Variants in KRTAP16-1 observed in about 807,000 individuals in gnomAD.
KRTAP16-1 encodes keratin associated protein 16-1, also known as keratin-associated protein 16-1.
For missense variants in KRTAP16-1, 675 were observed against 657.7 expected, an observed-to-expected ratio of 1.03 and a Z score of -0.29; for synonymous variants, 262 against 248.0, an observed-to-expected ratio of 1.06 and a Z score of -0.53.
Position 41,308,981 on chromosome 17 carries a change from G to A in KRTAP16-1, c.273C>T (p.Pro91=), listed in dbSNP as rs760023094. The A allele has an allele frequency of 1.7e-5, 26 of 1,544,986 alleles. No individual in the cohort carries two copies. The highest frequency in any genetic ancestry group is 1.2e-4 in the East Asian group (5 of 40,684). The change falls in exon 1 of 1, where the codon CCC becomes CCT. Residue 91 remains proline (P), a synonymous_variant. Coordinates refer to ENST00000391352, the MANE Select transcript of KRTAP16-1 (RefSeq NM_001146182.2). The part of the protein sequence containing the change: ...PSCSVSSGCQ[P]VCCEATTCEP... ...CACAGGTGGTGGCCTCACAGCACACGGGTTGGCAGCCGCTGCTCACGGAGC... is the reference window on the plus strand; with the variant it reads ...CACAGGTGGTGGCCTCACAGCACACAGGTTGGCAGCCGCTGCTCACGGAGC...
In KRTAP16-1 at chr17:41,308,372, G is replaced by A. The variant is rs2016935346; in HGVS notation, c.882C>T (p.Val294=). Residue 294 remains valine (V), a synonymous_variant, in exon 1 of 1, where the codon GTC becomes GTT. Transcript: ENST00000391352. ...AAGAAGGCTCTTGGCAAGTGCTGGG[G>A]ACAGAAGGTGGCTCGCACGAGCTCT... The part of the protein sequence containing the change: ...CVQSSCEPPS[V]PSTCQEPSCC... 1.3e-6 allele frequency: 2 copies of A among 1,550,372 alleles called. No individual in the cohort carries two copies. Among genetic ancestry groups the A allele is most frequent in the East Asian group, 2.4e-5 (1 of 40,934 alleles).
rs1218299949 is a variant in KRTAP16-1 at position 41,308,911 on chromosome 17, C to T, written c.343G>A (p.Glu115Lys). The T allele has an allele frequency of 5.2e-6, 8 of 1,550,334 alleles. No individual in the cohort carries two copies. Among genetic ancestry groups the T allele is most frequent in the Middle Eastern group, 1.7e-4 (1 of 6,014 alleles). Residue 115 changes from glutamate to lysine, a missense_variant, in exon 1 of 1, where the codon GAG (glutamate) becomes AAG (lysine). Physicochemically the swap from Glu to Lys is moderately conservative, Grantham distance 56. Coordinates refer to ENST00000391352, the MANE Select transcript of KRTAP16-1 (RefSeq NM_001146182.2). ...VSNCYQPVCFEATICEPSCSV... is the reference protein window; with the variant it reads ...VSNCYQPVCFKATICEPSCSV... ...CAAGAAGGCTCACAGATGGTGGCCT[C>T]GAAGCACACAGGTTGGTAGCAGTTG...
chr17:41,307,926 G>A lies in KRTAP16-1; in HGVS notation c.1328C>T (p.Ser443Phe). ...TGGGCGGAAGTAGACTGGGCGGCAA[G>A]AGTAGGAAGTGACACAGGCTGGGCG... ...LRRPACVTSY[S>F]CRPVYFRPSC... The change falls in exon 1 of 1, where the codon TCT becomes TTT. Residue 443 changes from serine to phenylalanine, a missense_variant. Transcript: ENST00000391352. 6.4e-7 allele frequency: 1 copy of A among 1,550,742 alleles called. No individual in the cohort carries two copies. The highest frequency in any genetic ancestry group is 8.7e-7 in the Non-Finnish European group (1 of 1,147,024).
rs1384179132 is a variant in KRTAP16-1, at chr17:41,308,116, G to A, written c.1138C>T (p.Pro380Ser). ...RPTCPRTFYI[P>S]SSSKRPCSAT... ...CTGCAAGGCCGTTTGCTGGAACTGG[G>A]TATGTAGAAAGTCCTAGGACAAGTT... Residue 380 changes from proline to serine, a missense_variant, in exon 1 of 1, where the codon CCC becomes TCC. By Grantham distance (74) the Pro-to-Ser change is moderately conservative. Transcript: ENST00000391352. 1.9e-6 allele frequency: 3 copies of A among 1,550,646 alleles called. No homozygotes were observed. Among genetic ancestry groups the A allele is most frequent in the Admixed American group, 2.0e-5 (1 of 51,006 alleles).
chr17:41,309,059 C>T lies in KRTAP16-1; in HGVS notation c.195G>A (p.Val65=). 2 of 1,550,688 alleles carry T rather than the reference C, an allele frequency of 1.3e-6. No homozygotes were observed. The highest frequency in any genetic ancestry group is 1.2e-5 in the South Asian group (1 of 84,062). The change falls in exon 1 of 1, where the codon GTG becomes GTA. Residue 65 remains valine, a synonymous_variant. Transcript: ENST00000391352. ...GPQCRQPSCP[V]SSCAQPLCCD... ...AGCACAGGGGTTGGGCACAGCTACT[C>T]ACAGGACAGGAGGGCTGACGGCACT...
Position 41,308,262 on chromosome 17 carries a change from G to A in KRTAP16-1, c.992C>T (p.Pro331Leu). 1 of 1,550,710 alleles carries A rather than the reference G, an allele frequency of 6.4e-7. No homozygotes were observed. The highest frequency in any genetic ancestry group is 8.7e-7 in the Non-Finnish European group (1 of 1,146,934). ...ACAGCGCTTGACTACATAGCAAGTA[G>A]GTTGGCATGGACTGGACACACAGAC... ...PAVCVSSPCQ[P>L]TCYVVKRCPS... is the part of the protein sequence containing the mutation. The change falls in exon 1 of 1, where the codon CCT becomes CTT. Residue 331 changes from proline to leucine, a missense_variant. Physicochemically the swap from Pro to Leu is moderately conservative, Grantham distance 98. Transcript: ENST00000391352.
In KRTAP16-1 at chr17:41,307,950, C is replaced by A; in HGVS notation, c.1304G>T (p.Arg435Leu). The A allele has an allele frequency of 6.4e-7, 1 of 1,550,540 alleles. No individual in the cohort carries two copies. Among genetic ancestry groups the A allele is most frequent in the African/African-American group, 1.4e-5 (1 of 73,130 alleles). ...AGAGTAGGAAGTGACACAGGCTGGGCGGCGCAGGATGGAGTAGCATGGGCG... is the reference window on the plus strand; with the variant it reads ...AGAGTAGGAAGTGACACAGGCTGGGAGGCGCAGGATGGAGTAGCATGGGCG... ...CYRPCYSILR[R>L]PACVTSYSCR... is the part of the protein sequence containing the mutation. The change falls in exon 1 of 1, where the codon CGC (arginine) becomes CTC (leucine). Residue 435 changes from arginine (R) to leucine (L), a missense_variant. Transcript: ENST00000391352.
At position 41,308,045 on chromosome 17, in the gene KRTAP16-1, T is replaced by C; in HGVS notation, c.1209A>G (p.Pro403=). The change falls in exon 1 of 1, where the codon CCA becomes CCG. Residue 403 remains proline (P), a synonymous_variant. Transcript: ENST00000391352. ...TATAGGTGAGGAGTCCAGAGCAGAT[T>C]GGGCGGCAGATCGGACGGGAGACCG... is the stretch of plus-strand genomic sequence containing the variant. The part of the protein sequence containing the change: ...YRPVSRPICR[P]ICSGLLTYRQ... The C allele has an allele frequency of 6.4e-7, 1 of 1,550,574 alleles. No individual in the cohort carries two copies. The highest frequency in any genetic ancestry group is 1.4e-5 in the African/African-American group (1 of 73,106).
At position 41,308,035 on chromosome 17, in the gene KRTAP16-1, C is replaced by T. The variant is rs1163856369; in HGVS notation, c.1219G>A (p.Gly407Arg). Residue 407 changes from glycine (G) to arginine (R), a missense_variant, in exon 1 of 1, where the codon GGA (glycine) becomes AGA (arginine). Physicochemically the swap from Gly to Arg is moderately radical, Grantham distance 125. Coordinates refer to ENST00000391352, the MANE Select transcript of KRTAP16-1 (RefSeq NM_001146182.2). ...TATGGCTGCCTATAGGTGAGGAGTCCAGAGCAGATTGGGCGGCAGATCGGA... is the reference window on the plus strand; with the variant it reads ...TATGGCTGCCTATAGGTGAGGAGTCTAGAGCAGATTGGGCGGCAGATCGGA... ...SRPICRPICS[G>R]LLTYRQPYMT... 1.8e-5 allele frequency: 28 copies of T among 1,550,488 alleles called. No homozygotes were observed. Among genetic ancestry groups the T allele is most frequent in the Non-Finnish European group, 2.4e-5 (27 of 1,147,004 alleles).
At position 41,308,173 on chromosome 17, in the gene KRTAP16-1, G is replaced by A. The variant is rs1287967011; in HGVS notation, c.1081C>T (p.Pro361Ser). The A allele has an allele frequency of 3.9e-6, 6 of 1,550,542 alleles. No individual in the cohort carries two copies. Among genetic ancestry groups the A allele is most frequent in the Admixed American group, 2.0e-5 (1 of 50,986 alleles). Residue 361 changes from proline to serine, a missense_variant, in exon 1 of 1, where the codon CCA becomes TCA. Physicochemically the swap from Pro to Ser is moderately conservative, Grantham distance 74. Transcript: ENST00000391352. ...CAGATGGCAGATGCAGAAGACCCTG[G>A]ACTGCAGGAAAGAGGTCGGCAGGAG... ...STSCRPLSCS[P>S]GSSASAICRP...
Position 41,309,213 on chromosome 17 carries a change from G to A in KRTAP16-1, c.41C>T (p.Pro14Leu), listed in dbSNP as rs554927787. 54 of 1,543,674 alleles carry A rather than the reference G, an allele frequency of 3.5e-5. No homozygotes were observed. The South Asian group carries it at 6.0e-4, about 17-fold the overall frequency. Reference protein sequence around the residue: ...SCSSRKCFSVPATSLCSTEVS... With the variant: ...SCSSRKCFSVLATSLCSTEVS... ...CTCAGTGGAGCAGAGAGAGGTGGCTGGCACGGAGAAGCATTTCCTAGAAGA... is the reference window on the plus strand; with the variant it reads ...CTCAGTGGAGCAGAGAGAGGTGGCTAGCACGGAGAAGCATTTCCTAGAAGA... Residue 14 changes from proline (P) to leucine (L), a missense_variant, in exon 1 of 1, where the codon CCA (proline) becomes CTA (leucine). Pro to Leu is a moderately conservative substitution (Grantham distance 98, BLOSUM62 -3). Coordinates refer to ENST00000391352, the MANE Select transcript of KRTAP16-1 (RefSeq NM_001146182.2).
chr17:41,309,195 G>T lies in KRTAP16-1; in HGVS notation c.59C>A (p.Ser20Tyr). 1 of 1,548,656 alleles carries T rather than the reference G, an allele frequency of 6.5e-7. No homozygotes were observed. The highest frequency in any genetic ancestry group is 8.7e-7 in the Non-Finnish European group (1 of 1,145,710). ...GGGGCCTCCACAGCTCACCTCAGTG[G>T]AGCAGAGAGAGGTGGCTGGCACGGA... ...CFSVPATSLC[S>Y]TEVSCGGPIC... Residue 20 changes from serine to tyrosine, a missense_variant, in exon 1 of 1, where the codon TCC becomes TAC. By Grantham distance (144) the Ser-to-Tyr change is moderately radical (BLOSUM62 -2). Coordinates refer to ENST00000391352, the MANE Select transcript of KRTAP16-1 (RefSeq NM_001146182.2).
Position 41,308,468 on chromosome 17 carries a change from G to C in KRTAP16-1, c.786C>G (p.Ser262Arg), listed in dbSNP as rs1256864492. ...CCACACACGTAGCTGGCTGGCAGAT[G>C]CTAGACTCTGAGCAACTTGGCTCAC... ...SPCEPSCSES[S>R]ICQPATCVAL... The change falls in exon 1 of 1, where the codon AGC (serine) becomes AGG (arginine). Residue 262 changes from serine (S) to arginine (R), a missense_variant. Ser to Arg is a moderately radical substitution (Grantham distance 110). Coordinates refer to ENST00000391352, the MANE Select transcript of KRTAP16-1 (RefSeq NM_001146182.2). The C allele has an allele frequency of 1.2e-5, 18 of 1,550,256 alleles. No individual in the cohort carries two copies. Among genetic ancestry groups the C allele is most frequent in the Non-Finnish European group, 1.6e-5 (18 of 1,146,750 alleles).
chr17:41,307,753 T>A lies in KRTAP16-1; in HGVS notation c.1501A>T (p.Thr501Ser), dbSNP rs1016456269. ...GGCTGAGCTGCTGCGGCCTCACGGG[T>A]GGTTGGGCTGATGGGTTTGGCTTCA... ...PTEAKPISPT[T>S]REAAAAQPAA... Residue 501 changes from threonine (T) to serine (S), a missense_variant, in exon 1 of 1, where the codon ACC becomes TCC. By Grantham distance (58) the Thr-to-Ser change is moderately conservative (BLOSUM62 1). Coordinates refer to ENST00000391352, the MANE Select transcript of KRTAP16-1 (RefSeq NM_001146182.2). 10 of 1,547,114 alleles carry A rather than the reference T, an allele frequency of 6.5e-6. No individual in the cohort carries two copies. Among genetic ancestry groups the A allele is most frequent in the South Asian group, 3.6e-5 (3 of 83,628 alleles).
rs1442162789 is a variant in KRTAP16-1 at position 41,308,488 on chromosome 17, G to T, written c.766C>A (p.Pro256Thr). The change falls in exon 1 of 1, where the codon CCA (proline) becomes ACA (threonine). Residue 256 changes from proline to threonine, a missense_variant. Transcript: ENST00000391352. The stretch of plus-strand genomic sequence containing the variant: ...CAGATGCTAGACTCTGAGCAACTTG[G>T]CTCACAAGGGCTGGGGTCACAGCAG... Reference protein sequence around the residue: ...AVCCDPSPCEPSCSESSICQP... With the variant: ...AVCCDPSPCETSCSESSICQP... The T allele has an allele frequency of 1.3e-6, 2 of 1,550,414 alleles. No homozygotes were observed.
chr17:41,308,923 G>A lies in KRTAP16-1; in HGVS notation c.331C>T (p.Pro111Ser). ...PSCSVSNCYQPVCFEATICEP... is the reference protein window; with the variant it reads ...PSCSVSNCYQSVCFEATICEP... ...CAGATGGTGGCCTCGAAGCACACAGGTTGGTAGCAGTTGCTCACAGAGCAA... is the reference window on the plus strand; with the variant it reads ...CAGATGGTGGCCTCGAAGCACACAGATTGGTAGCAGTTGCTCACAGAGCAA... Residue 111 changes from proline to serine, a missense_variant, in exon 1 of 1, where the codon CCT becomes TCT. Pro to Ser is a moderately conservative substitution (Grantham distance 74, BLOSUM62 -1). Transcript: ENST00000391352. The A allele has an allele frequency of 2.6e-6, 4 of 1,550,512 alleles. No individual in the cohort carries two copies. Among genetic ancestry groups the A allele is most frequent in the Non-Finnish European group, 3.5e-6 (4 of 1,146,920 alleles).
rs529097672 is a variant in KRTAP16-1, at chr17:41,307,989, C to T, written c.1265G>A (p.Arg422His). ...RQPYMTSISY[R>H]PACYRPCYSI... The stretch of plus-strand genomic sequence containing the variant: ...GTAGCATGGGCGATAGCAGGCAGGA[C>T]GGTAGGAGATGGATGTCATGTATGG... Residue 422 changes from arginine (R) to histidine (H), a missense_variant, in exon 1 of 1, where the codon CGT (arginine) becomes CAT (histidine). By Grantham distance (29) the Arg-to-His change is conservative (BLOSUM62 0). Coordinates refer to ENST00000391352, the MANE Select transcript of KRTAP16-1 (RefSeq NM_001146182.2). The T allele has an allele frequency of 5.9e-5, 92 of 1,550,462 alleles. No homozygotes were observed. The highest frequency in any genetic ancestry group is 1.7e-4 in the Middle Eastern group (1 of 5,992).
At position 41,308,886 on chromosome 17, in the gene KRTAP16-1, C is replaced by G. The variant is rs2016946145; in HGVS notation, c.368G>C (p.Cys123Ser). The change falls in exon 1 of 1, where the codon TGC (cysteine) becomes TCC (serine). Residue 123 changes from cysteine to serine, a missense_variant. Cys to Ser is a moderately radical substitution (Grantham distance 112, BLOSUM62 -1). Coordinates refer to ENST00000391352, the MANE Select transcript of KRTAP16-1 (RefSeq NM_001146182.2). ...CFEATICEPSCSVSNCCQPVC... is the reference protein window; with the variant it reads ...CFEATICEPSSSVSNCCQPVC... Reference sequence around the variant, plus strand: ...AGGTTGGCAGCAGTTGCTCACTGAGCAAGAAGGCTCACAGATGGTGGCCTC... The same window carrying G: ...AGGTTGGCAGCAGTTGCTCACTGAGGAAGAAGGCTCACAGATGGTGGCCTC... The G allele has an allele frequency of 4.5e-6, 7 of 1,548,506 alleles. No individual in the cohort carries two copies. The highest frequency in any genetic ancestry group is 2.0e-5 in the Admixed American group (1 of 50,930).
rs994003903 is a variant in KRTAP16-1, at chr17:41,308,993, G to T, written c.261C>A (p.Ser87Arg). The T allele has an allele frequency of 4.5e-6, 7 of 1,550,528 alleles. No individual in the cohort carries two copies. Among genetic ancestry groups the T allele is most frequent in the Non-Finnish European group, 6.1e-6 (7 of 1,146,998 alleles). Residue 87 changes from serine to arginine, a missense_variant, in exon 1 of 1, where the codon AGC becomes AGA. By Grantham distance (110) the Ser-to-Arg change is moderately radical. Transcript: ENST00000391352. ...VICEPSCSVS[S>R]GCQPVCCEAT... ...CCTCACAGCACACGGGTTGGCAGCC[G>T]CTGCTCACGGAGCAAGAAGGCTCAC...
Sources: allele counts gnomAD v4.1 joint callset, GRCh38; gene constraint gnomAD v4.1.1; transcripts MANE v1.5; gene names NCBI Gene and HGNC (gene_info 2026-07-23, HGNC 2026-07-21).